The following LCLAT1 variants were observed in gnomAD, a reference collection of about 807,000 sequenced individuals.
The protein encoded by LCLAT1 is 1-AGP acyltransferase 8.
Under a neutral mutation model 30.7 loss-of-function variants are expected in LCLAT1, and 11 were observed. That is an observed-to-expected ratio of 0.36 (90% confidence interval 0.23 to 0.59). LCLAT1 has a LOEUF of 0.59. Among genes scored for constraint, LCLAT1 ranks in the 20% least tolerant of loss-of-function variants. The pLI is 0.77. For missense variants in LCLAT1, 402 were observed against 458.6 expected, an observed-to-expected ratio of 0.88 and a Z score of 1.13; for synonymous variants, 155 against 151.3, an observed-to-expected ratio of 1.02 and a Z score of -0.18.
At chr2:30,550,777 A>C (rs1664642911) in intron 3 of LCLAT1, among the ~76,000 whole-genome samples, 1 of 152,170 alleles carries the variant, frequency 6.6e-6, no homozygotes, top group African/African-American at 2.4e-5. Context: ...GGGGAAAGGA[A>C]TGAAGCTCTA....
At chr2:30,562,423 C>A in intron 4 of LCLAT1, 131 bp downstream of exon 4, 1 of 661,518 alleles carries the variant, frequency 1.5e-6, no homozygotes, top group Non-Finnish European at 2.4e-6. Flanking sequence ...GGAATCCTAG[C>A]TACTCAGGAG....
At chr2:30,521,489 C>CTTTTTTTTTTT (rs1262784785) in intron 1 of LCLAT1, among the ~76,000 whole-genome samples, 20 of 55,560 alleles carry the variant, frequency 3.6e-4, no homozygotes, top group South Asian at 5.8e-4. Context: ...TAAACTACTT[C>CTTTTTTTTTTT]TTCTTTTTTT....
At chr2:30,628,556 T>G (rs746194719) in intron 5 of LCLAT1, among the ~76,000 whole-genome samples, 20 of 152,122 alleles carry the variant, frequency 1.3e-4, no homozygotes, top group Non-Finnish European at 2.9e-4. Context: ...AGTGTGATCT[T>G]GAAGCAAGAA....
intron 1 of LCLAT1, among the ~76,000 whole-genome samples, chr2:30,456,561 G>A (rs933192135): frequency 6.6e-6 from 1 of 152,144 alleles, no homozygotes; most frequent in African/African-American, 2.4e-5. Flanking sequence ...TGTTGTGGGT[G>A]GGGGTGGGCC....
At chr2:30,500,786 C>G (rs1483261340) in intron 1 of LCLAT1, among the ~76,000 whole-genome samples, 2 of 152,100 alleles carry the variant, frequency 1.3e-5, no homozygotes, top group Non-Finnish European at 2.9e-5. Context: ...GCCCACTTGT[C>G]CCATAGAACT....
chr2:30,637,522 G>A (rs558752291), intron 5 of LCLAT1, among the ~76,000 whole-genome samples: 5 of 152,166 alleles, frequency 3.3e-5, no homozygotes, highest in Non-Finnish European at 7.4e-5. Context: ...ATGGTAAATA[G>A]ATCACCTCTT....
At chr2:30,482,000 G>C (rs1290205679) in intron 1 of LCLAT1, among the ~76,000 whole-genome samples, 1 of 152,240 alleles carries the variant, frequency 6.6e-6, no homozygotes, top group East Asian at 1.9e-4. Flanking sequence ...TAGTAAAGCT[G>C]AGTATTCAAT....
At chr2:30,575,981 G>T (rs760492315) in intron 5 of LCLAT1, among the ~76,000 whole-genome samples, 1 of 151,936 alleles carries the variant, frequency 6.6e-6, no homozygotes, top group Non-Finnish European at 1.5e-5. Flanking sequence ...TAATTACTGC[G>T]TGTCTTATGG....
At position 30,641,382 on chromosome 2, in the gene LCLAT1, TACA is replaced by T. The variant is rs1302294271; in HGVS notation, c.*767_*769del. On this transcript the variant is annotated 3_prime_UTR_variant, in exon 6 of 6. Coordinates refer to ENST00000379509, the MANE Select transcript of LCLAT1 (RefSeq NM_001002257.3). ...ATTGCATGCTTAGTGCTGGTTTTCT[TACA>T]ACATTTTGGCAGGTGTAGCTTTTTC... 5 of 152,210 alleles carry T rather than the reference TACA, an allele frequency of 3.3e-5. No homozygotes were observed. The highest frequency in any genetic ancestry group is 1.9e-4 in the East Asian group (1 of 5,196). The allele number at this position is 152,210 out of a possible 1,614,324, so 9.4% of individuals were successfully genotyped here. A position where few individuals can be genotyped will look rare whatever the true frequency, so the allele number is the denominator to read the frequency against.
chr2:30,577,324 G>C (rs1207377659), intron 5 of LCLAT1, among the ~76,000 whole-genome samples: 8 of 151,978 alleles, frequency 5.3e-5, no homozygotes, highest in Admixed American at 5.3e-4. Flanking sequence ...CCCTAATGAA[G>C]TTATGTAGGA....
chr2:30,593,451 A>G (rs577255102), intron 5 of LCLAT1, among the ~76,000 whole-genome samples: 25 of 152,250 alleles, frequency 1.6e-4, no homozygotes, highest in African/African-American at 5.5e-4. Flanking sequence ...GGGTTACTCT[A>G]GCTTTGCAGC....
intron 5 of LCLAT1, among the ~76,000 whole-genome samples, chr2:30,617,895 T>C (rs1167562822): frequency 6.6e-6 from 1 of 152,198 alleles, no homozygotes; most frequent in Non-Finnish European, 1.5e-5. Context: ...TACAAGTTAT[T>C]TATAATATAT....
At chr2:30,617,224 T>C (rs1359580655) in intron 5 of LCLAT1, among the ~76,000 whole-genome samples, 1 of 152,172 alleles carries the variant, frequency 6.6e-6, no homozygotes, top group Non-Finnish European at 1.5e-5. Flanking sequence ...TGGAACCCAC[T>C]GATGTGCTTT....
intron 5 of LCLAT1, among the ~76,000 whole-genome samples, chr2:30,594,594 C>T (rs1666847584): frequency 6.6e-6 from 1 of 152,210 alleles, no homozygotes; most frequent in Non-Finnish European, 1.5e-5. Context: ...TGTATACACA[C>T]ATCTTCACAA....
intron 3 of LCLAT1, among the ~76,000 whole-genome samples, chr2:30,537,513 A>G (rs1165520865): frequency 1.5e-5 from 2 of 131,140 alleles, no homozygotes; most frequent in East Asian, 2.6e-4. Context: ...GGATATAACA[A>G]TTGTAAATAC....
chr2:30,611,839 T>C (rs1035816391), intron 5 of LCLAT1, among the ~76,000 whole-genome samples: 3 of 152,204 alleles, frequency 2.0e-5, no homozygotes, highest in African/African-American at 7.2e-5. Flanking sequence ...TGTGGTCATT[T>C]GCAGAAGAGT....
chr2:30,516,771 A>G (rs529038023), intron 1 of LCLAT1, among the ~76,000 whole-genome samples: 2 of 152,298 alleles, frequency 1.3e-5, no homozygotes, highest in African/African-American at 4.8e-5. Flanking sequence ...TTGACTTGCT[A>G]TTCTGTCCTA....
chr2:30,486,163 A>G (rs374317413), intron 1 of LCLAT1, among the ~76,000 whole-genome samples: 2 of 152,200 alleles, frequency 1.3e-5, no homozygotes, highest in Admixed American at 6.5e-5. Flanking sequence ...CTCATTGCCT[A>G]TGGGATAAAG....
chr2:30,489,655 G>A (rs1017933977), intron 1 of LCLAT1, among the ~76,000 whole-genome samples: 3 of 152,166 alleles, frequency 2.0e-5, no homozygotes, highest in Admixed American at 2.0e-4. Context: ...CCAGCCCACA[G>A]TTATCTTACT....
Sources: allele counts gnomAD v4.1 joint callset (sites outside exome capture counted in the v4.1 genomes callset), GRCh38; gene constraint gnomAD v4.1.1; transcripts MANE v1.5; gene names NCBI Gene and HGNC (gene_info 2026-07-23, HGNC 2026-07-21).